Variants in ADGRB1 observed in about 807,000 individuals in gnomAD.
ADGRB1 encodes the protein adhesion G protein-coupled receptor B1, also known as brain-specific angiogenesis inhibitor 1.
In ADGRB1, 36 loss-of-function variants were observed where a neutral mutation model predicts 175.7. That is an observed-to-expected ratio of 0.20 (90% confidence interval 0.16 to 0.27). The LOEUF is 0.27. Among genes scored for constraint, ADGRB1 ranks in the 10% least tolerant of loss-of-function variants. The pLI, the probability that ADGRB1 is intolerant of heterozygous loss-of-function variation, is 1.00. For missense variants in ADGRB1, 1,731 were observed against 2,255.3 expected (o/e 0.77, Z 4.71); for synonymous variants, 1,054 against 979.4 (o/e 1.08, Z -1.42).
intron 25 of ADGRB1, among the ~76,000 whole-genome samples, chr8:142,535,766 C>A (rs1006068611): frequency 6.6e-6 from 1 of 152,134 alleles, no homozygotes; most frequent in African/African-American, 2.4e-5. Context: ...GAGAGCACTT[C>A]CCTACCTGCC....
chr8:142,519,292 C>T (rs530727447), intron 19 of ADGRB1, among the ~76,000 whole-genome samples: 1 of 152,304 alleles, frequency 6.6e-6, no homozygotes, highest in East Asian at 1.9e-4. Flanking sequence ...TCCCTGTGCC[C>T]TATGAGCTGC....
Position 142,542,292 on chromosome 8 carries a change from C to T in ADGRB1, c.4058C>T (p.Ala1353Val), listed in dbSNP as rs1193124282. ...TSYVILPTAT[A>V]TLRPKPKEEP... ...TACGTGATCCTGCCCACGGCCACGGCCACGCTGCGGCCCAAGCCCAAGGAG... is the reference window on the plus strand; with the variant it reads ...TACGTGATCCTGCCCACGGCCACGGTCACGCTGCGGCCCAAGCCCAAGGAG... Residue 1353 changes from alanine (A) to valine (V), a missense_variant, in exon 28 of 31, where the codon GCC becomes GTC. By Grantham distance (64) the Ala-to-Val change is moderately conservative. Coordinates refer to ENST00000517894, the MANE Select transcript of ADGRB1 (RefSeq NM_001702.3). The surrounding 1 kb of genome is among the most constrained non-coding windows in gnomAD (Gnocchi z 6.3). 2.5e-6 allele frequency: 4 copies of T among 1,613,172 alleles called. No individual in the cohort carries two copies. Among genetic ancestry groups the T allele is most frequent in the Non-Finnish European group, 3.4e-6 (4 of 1,179,812 alleles).
chr8:142,469,139 ATG>A (rs1840441473), intron 2 of ADGRB1, among the ~76,000 whole-genome samples: 2 of 135,238 alleles, frequency 1.5e-5, no homozygotes, highest in African/African-American at 2.9e-5. Context: ...GCGTGTGTGC[ATG>A]TGTGTGCATG....
At position 142,464,016 on chromosome 8, in the gene ADGRB1, G is replaced by A. The variant is rs962586197; in HGVS notation, c.-183G>A. Reference sequence around the variant, plus strand: ...GGCCACAGGCTGGCACCAGGGCCCTGGACTTTAGAAGCCGTTGCTGCCCTC... The same window carrying A: ...GGCCACAGGCTGGCACCAGGGCCCTAGACTTTAGAAGCCGTTGCTGCCCTC... On this transcript the variant is annotated 5_prime_UTR_variant, in exon 2 of 31. Coordinates refer to ENST00000517894, the MANE Select transcript of ADGRB1 (RefSeq NM_001702.3). The A allele has an allele frequency of 8.5e-6, 4 of 469,378 alleles. No individual in the cohort carries two copies. Among genetic ancestry groups the A allele is most frequent in the Middle Eastern group, 6.2e-4 (1 of 1,622 alleles). 29.1% of individuals were successfully genotyped at this position (469,378 alleles called of 1,614,324 possible).
chr8:142,531,536 T>A (rs1399345867), intron 24 of ADGRB1, among the ~76,000 whole-genome samples: 1 of 152,158 alleles, frequency 6.6e-6, no homozygotes, highest in East Asian at 1.9e-4. Context: ...TCCAAAGTTG[T>A]ACAGGGAAGA....
chr8:142,527,705 C>T (rs1011226084), intron 24 of ADGRB1, among the ~76,000 whole-genome samples: 7 of 152,182 alleles, frequency 4.6e-5, no homozygotes, highest in African/African-American at 1.2e-4. Context: ...GAAGAGGTCC[C>T]CAGGGCTACA....
At chr8:142,490,922 C>T in intron 17 of ADGRB1, 107 bp downstream of exon 17, 3 of 1,410,962 alleles carry the variant, frequency 2.1e-6, no homozygotes, top group Non-Finnish European at 2.9e-6. Flanking sequence ...ACTTGCCCCC[C>T]AGCTGTCTGT....
rs1025177675 is a variant in ADGRB1 at position 142,511,687 on chromosome 8, C to T, written c.2817+614C>T. ...TATGGAGACGGCATCTGGGGTCAGCCGCTGGCAGGGGCCCTGGGTGCTGGG... is the reference window on the plus strand; with the variant it reads ...TATGGAGACGGCATCTGGGGTCAGCTGCTGGCAGGGGCCCTGGGTGCTGGG... On this transcript the variant is annotated intron_variant, in intron 18 of 30. Transcript: ENST00000517894. The surrounding 1 kb of genome is among the most constrained non-coding windows in gnomAD (Gnocchi z 4.5). 2.6e-5 allele frequency among the ~76,000 whole-genome samples: 4 copies of T among 152,138 alleles called. No homozygotes were observed. Among genetic ancestry groups the T allele is most frequent in the African/African-American group, 7.2e-5 (3 of 41,442 alleles).
At chr8:142,515,547 G>T (rs955768916) in intron 18 of ADGRB1, among the ~76,000 whole-genome samples, 1 of 152,196 alleles carries the variant, frequency 6.6e-6, no homozygotes, top group Non-Finnish European at 1.5e-5. Flanking sequence ...GAGCAGGCGC[G>T]AGACGCTTAC....
Position 142,464,230 on chromosome 8 carries a change from T to C in ADGRB1, c.32T>C (p.Val11Ala). Residue 11 changes from valine (V) to alanine (A), a missense_variant, in exon 2 of 31, where the codon GTC (valine) becomes GCC (alanine). Val to Ala is a moderately conservative substitution (Grantham distance 64). Coordinates refer to ENST00000517894, the MANE Select transcript of ADGRB1 (RefSeq NM_001702.3). ...GGCCAGGCCGCCGCCCCGGGCCCCGTCTGGATCCTCGCCCCGCTGCTACTG... is the reference window on the plus strand; with the variant it reads ...GGCCAGGCCGCCGCCCCGGGCCCCGCCTGGATCCTCGCCCCGCTGCTACTG... MRGQAAAPGP[V>A]WILAPLLLLL... 7 of 1,325,794 alleles carry C rather than the reference T, an allele frequency of 5.3e-6. No individual in the cohort carries two copies. The South Asian group carries it at 1.5e-4, about 28-fold the overall frequency. The allele number at this position is 1,325,794 out of a possible 1,614,324, so 82.1% of individuals were successfully genotyped here. A position where few individuals can be genotyped will look rare whatever the true frequency, so the allele number is the denominator to read the frequency against.
rs1843057340 is a variant in ADGRB1, at chr8:142,510,813, G to T, written c.2676-119G>T. 2.6e-6 allele frequency: 1 copy of T among 377,364 alleles called. No individual in the cohort carries two copies. The highest frequency in any genetic ancestry group is 1.3e-3 in the Middle Eastern group (1 of 750). 23.4% of individuals were successfully genotyped at this position (377,364 alleles called of 1,614,324 possible). On this transcript the variant is annotated intron_variant, in intron 17 of 30. Coordinates refer to ENST00000517894, the MANE Select transcript of ADGRB1 (RefSeq NM_001702.3). The surrounding 1 kb of genome is among the most constrained non-coding windows in gnomAD (Gnocchi z 6.3). ...GCGCGCGGCTGCGGGCGCAGGTGCG[G>T]GGCGGCGGGCCGGGGCCGGGGCCGG...
chr8:142,517,237 C>A (rs1843497510), intron 18 of ADGRB1, among the ~76,000 whole-genome samples: 1 of 152,078 alleles, frequency 6.6e-6, no homozygotes, highest in Non-Finnish European at 1.5e-5. Flanking sequence ...TTGGACAACG[C>A]CCAGGGCAGG....
At position 142,476,631 on chromosome 8, in the gene ADGRB1, T is replaced by G; in HGVS notation, c.993T>G (p.Asp331Glu). ...SSRSQSLRST[D>E]ARRREELGDE... Reference sequence around the variant, plus strand: ...GGAGCCAGTCCCTGCGGTCCACAGATGCCCGGCGGCGCGAGGAGCTGGGGG... The same window carrying G: ...GGAGCCAGTCCCTGCGGTCCACAGAGGCCCGGCGGCGCGAGGAGCTGGGGG... Residue 331 changes from aspartate (D) to glutamate (E), a missense_variant, in exon 4 of 31, where the codon GAT (aspartate) becomes GAG (glutamate). By Grantham distance (45) the Asp-to-Glu change is conservative. Around this residue, in one of 8 missense-constraint regions of ADGRB1, gnomAD observed 178 missense variants for 227.8 expected, o/e 0.78. Transcript: ENST00000517894. The G allele has an allele frequency of 6.5e-7, 1 of 1,548,568 alleles. No individual in the cohort carries two copies. The highest frequency in any genetic ancestry group is 2.4e-5 in the East Asian group (1 of 40,882).
intron 13 of ADGRB1, among the ~76,000 whole-genome samples, chr8:142,485,298 A>G (rs1358183053): frequency 6.6e-6 from 1 of 152,206 alleles, no homozygotes; most frequent in Admixed American, 6.5e-5. Flanking sequence ...CATTACAAAC[A>G]CAGCAATTCT....
At chr8:142,524,988 C>T (rs986887196) in intron 23 of ADGRB1, among the ~76,000 whole-genome samples, 8 of 152,124 alleles carry the variant, frequency 5.3e-5, no homozygotes, top group Admixed American at 3.9e-4. Context: ...CCCACCCTCA[C>T]ATCCCCTCCC....
At chr8:142,495,702 C>T (rs1300994166) in intron 17 of ADGRB1, among the ~76,000 whole-genome samples, 2 of 152,072 alleles carry the variant, frequency 1.3e-5, no homozygotes, top group African/African-American at 2.4e-5. Flanking sequence ...GTACTTTCCT[C>T]TTCTTGTAAG....
chr8:142,469,731 ATG>A (rs1161082598), intron 2 of ADGRB1, among the ~76,000 whole-genome samples: 3 of 150,996 alleles, frequency 2.0e-5, no homozygotes, highest in African/African-American at 7.3e-5. Flanking sequence ...ATGCACATGC[ATG>A]TGTGTGAATG....
chr8:142,464,464 C>A lies in ADGRB1; in HGVS notation c.266C>A (p.Ala89Glu). The A allele has an allele frequency of 6.3e-7, 1 of 1,580,034 alleles. No individual in the cohort carries two copies. The highest frequency in any genetic ancestry group is 8.6e-7 in the Non-Finnish European group (1 of 1,167,502). ...RYTLYMKVAKAPVPCSGPGRV... is the reference protein window; with the variant it reads ...RYTLYMKVAKEPVPCSGPGRV... Reference sequence around the variant, plus strand: ...ACTCTCTACATGAAGGTGGCCAAGGCGCCCGTGCCCTGCAGCGGCCCCGGC... The same window carrying A: ...ACTCTCTACATGAAGGTGGCCAAGGAGCCCGTGCCCTGCAGCGGCCCCGGC... The change falls in exon 2 of 31, where the codon GCG becomes GAG. Residue 89 changes from alanine to glutamate, a missense_variant. Ala to Glu is a moderately radical substitution (Grantham distance 107). Around this residue, in one of 8 missense-constraint regions of ADGRB1, gnomAD observed 383 missense variants for 383.1 expected, o/e 1.00. Transcript: ENST00000517894.
At chr8:142,479,254 C>T in intron 7 of ADGRB1, 69 bp from the exon 8 acceptor site, 2 of 1,403,906 alleles carry the variant, frequency 1.4e-6, no homozygotes, top group South Asian at 3.6e-5. Context: ...TTTGTGTCCT[C>T]CTGTCACTGT....
Sources: allele counts gnomAD v4.1 joint callset (sites outside exome capture counted in the v4.1 genomes callset), GRCh38; gene constraint gnomAD v4.1.1; regional missense constraint gnomAD v4.1.1; non-coding constraint Gnocchi (gnomAD v3.1); transcripts MANE v1.5; gene names NCBI Gene and HGNC (gene_info 2026-07-23, HGNC 2026-07-21).